OXR1: variants seen among roughly 807,000 people sequenced by gnomAD.
OXR1 encodes the protein oxidation resistance 1.
In OXR1, 41 loss-of-function variants were observed where a neutral mutation model predicts 104.6. The ratio of observed to expected loss-of-function variants is 0.39; its 90% CI spans 0.31 to 0.51. The LOEUF is 0.51. Ranked by LOEUF, OXR1 falls within the 20% of genes least tolerant of loss-of-function variation. The probability of loss-of-function intolerance (pLI) is 0.77; values close to 1 mark genes in which losing one functional copy is unlikely to be tolerated. For synonymous variants in OXR1, 348 were observed against 348.4 expected (o/e 1.00, Z 0.01); for missense variants, 955 against 1,031.9 (o/e 0.93, Z 1.02).
At chr8:106,565,856 A>G (rs1817030656) in intron 3 of OXR1, among the ~76,000 whole-genome samples, 1 of 152,194 alleles carries the variant, frequency 6.6e-6, no homozygotes, top group South Asian at 2.1e-4. Context: ...AAAACCTGAC[A>G]AAAACAAGCA....
At chr8:106,518,518 C>T (rs949532705) in intron 2 of OXR1, among the ~76,000 whole-genome samples, 14 of 152,050 alleles carry the variant, frequency 9.2e-5, no homozygotes, top group Admixed American at 9.2e-4. Context: ...ATAGATTAAG[C>T]AGAAAAACAC....
chr8:106,722,544 A>C (rs556927742), intron 11 of OXR1, among the ~76,000 whole-genome samples: 3 of 152,282 alleles, frequency 2.0e-5, no homozygotes, highest in African/African-American at 7.2e-5. Flanking sequence ...TCTCTTAGTG[A>C]TGTCATAACA....
intron 1 of OXR1, among the ~76,000 whole-genome samples, chr8:106,275,725 G>A (rs765600883): frequency 8.5e-5 from 13 of 152,130 alleles, no homozygotes; most frequent in Non-Finnish European, 1.6e-4. Context: ...GCTGGAAGGA[G>A]GGTCATGTGA....
intron 11 of OXR1, among the ~76,000 whole-genome samples, chr8:106,717,047 G>A (rs1485938983): frequency 1.3e-5 from 2 of 152,086 alleles, no homozygotes; most frequent in African/African-American, 2.4e-5. Context: ...TTAGCTGGAC[G>A]TGGTAGCACA....
At chr8:106,738,938 C>T (rs888203097) in intron 12 of OXR1, among the ~76,000 whole-genome samples, 11 of 151,982 alleles carry the variant, frequency 7.2e-5, no homozygotes, top group African/African-American at 2.7e-4. Context: ...GAAACAAATA[C>T]ATGCACAACT....
At chr8:106,438,003 A>T (rs1468593244) in intron 2 of OXR1, among the ~76,000 whole-genome samples, 2 of 152,160 alleles carry the variant, frequency 1.3e-5, no homozygotes, top group Admixed American at 6.6e-5. Flanking sequence ...AAAGAAAGAT[A>T]AACACAACAA....
At chr8:106,654,159 A>C (rs1273465221) in intron 3 of OXR1, among the ~76,000 whole-genome samples, 1 of 152,084 alleles carries the variant, frequency 6.6e-6, no homozygotes, top group Non-Finnish European at 1.5e-5. Flanking sequence ...TCCCTATCAA[A>C]ATTACAACTG....
At chr8:106,405,812 G>A (rs948337538) in intron 2 of OXR1, among the ~76,000 whole-genome samples, 3 of 152,132 alleles carry the variant, frequency 2.0e-5, no homozygotes, top group Non-Finnish European at 2.9e-5. Flanking sequence ...CCACCAAGAT[G>A]AGTTCAGCCG....
intron 9 of OXR1, 71 bp from the exon 10 acceptor site, chr8:106,710,551 G>T (rs1057317425): frequency 1.0e-6 from 1 of 988,614 alleles, no homozygotes; most frequent in Non-Finnish European, 1.4e-6. Flanking sequence ...AATTTTGAAG[G>T]TAAAGTTAAC....
At chr8:106,391,409 C>A (rs920903563) in intron 2 of OXR1, among the ~76,000 whole-genome samples, 2 of 152,026 alleles carry the variant, frequency 1.3e-5, no homozygotes, top group African/African-American at 2.4e-5. Flanking sequence ...AATAATAAAT[C>A]ATCTTTATTA....
intron 1 of OXR1, among the ~76,000 whole-genome samples, chr8:106,317,814 G>T (rs1454055340): frequency 6.6e-6 from 1 of 151,414 alleles, no homozygotes; most frequent in African/African-American, 2.4e-5. Flanking sequence ...AAACAAAAAG[G>T]AGTGGGAGAG....
chr8:106,279,495 C>A (rs1812191545), intron 1 of OXR1, among the ~76,000 whole-genome samples: 3 of 152,062 alleles, frequency 2.0e-5, no homozygotes, highest in Admixed American at 2.0e-4. Context: ...TCTAATGGGA[C>A]TGAAAATAAA....
intron 2 of OXR1, among the ~76,000 whole-genome samples, chr8:106,436,713 C>T (rs564381998): frequency 6.6e-6 from 1 of 152,262 alleles, no homozygotes; most frequent in African/African-American, 2.4e-5. Context: ...CTGTCAGCTA[C>T]CTTCACACAT....
chr8:106,526,870 G>A (rs1225986980), intron 3 of OXR1, among the ~76,000 whole-genome samples: 8 of 152,152 alleles, frequency 5.3e-5, no homozygotes, highest in Admixed American at 4.6e-4. Flanking sequence ...GAGTGGTTTA[G>A]GTGTCAGCTT....
chr8:106,415,527 A>G lies in OXR1; in HGVS notation c.23+55891A>G, dbSNP rs1197657764. On this transcript the variant is annotated intron_variant, in intron 2 of 16. Transcript: ENST00000517566. ...TGTGTGTGTGTGTGTCTGTGTGTGT[A>G]CTCACCTACATGCATGCAAGGGCAG... 2.7e-5 allele frequency among the ~76,000 whole-genome samples: 4 copies of G among 150,616 alleles called. No homozygotes were observed. In the Admixed American group the frequency reaches 2.7e-4, roughly 10 times the overall value.
intron 3 of OXR1, among the ~76,000 whole-genome samples, chr8:106,548,871 G>A (rs936627033): frequency 6.6e-6 from 1 of 152,164 alleles, no homozygotes; most frequent in Non-Finnish European, 1.5e-5. Context: ...ATTATAAAAT[G>A]TGCCATTTCT....
At position 106,363,341 on chromosome 8, in the gene OXR1, A is replaced by G. The variant is rs908489441; in HGVS notation, c.23+3705A>G. ...CAGAATGTGTTTGAAAACAAAAGGG[A>G]TATTTGTTTTGCCTGCTTGGGATGA... On this transcript the variant is annotated intron_variant, in intron 2 of 16. Transcript: ENST00000517566. Among the ~76,000 whole-genome samples, 11 of 152,184 alleles carry G rather than the reference A, an allele frequency of 7.2e-5. No homozygotes were observed. In the East Asian group the frequency reaches 9.6e-4, roughly 13 times the overall value.
At chr8:106,641,147 C>CAGCT (rs1235536610) in intron 3 of OXR1, among the ~76,000 whole-genome samples, 6 of 152,220 alleles carry the variant, frequency 3.9e-5, no homozygotes, top group Non-Finnish European at 8.8e-5. Flanking sequence ...TTTTTGCACA[C>CAGCT]AGCTGTCTTC....
intron 2 of OXR1, among the ~76,000 whole-genome samples, chr8:106,506,336 A>G (rs980158556): frequency 8.5e-5 from 13 of 152,230 alleles, no homozygotes; most frequent in South Asian, 2.1e-4. Flanking sequence ...AGTTTTGGCC[A>G]GGCGCGGTGG....
Sources: allele counts gnomAD v4.1 joint callset (sites outside exome capture counted in the v4.1 genomes callset), GRCh38; gene constraint gnomAD v4.1.1; transcripts MANE v1.5; gene names NCBI Gene and HGNC (gene_info 2026-07-23, HGNC 2026-07-21).